Variants in GABPB1 observed in about 807,000 individuals in gnomAD.
The protein encoded by GABPB1 is GA-binding protein subunit beta-1.
A neutral mutation model predicts 45.9 loss-of-function variants in GABPB1; 15 were observed. The ratio of observed to expected loss-of-function variants is 0.33; its 90% CI spans 0.22 to 0.50. The LOEUF (loss-of-function observed/expected upper bound fraction) is 0.50, where lower values mean the gene tolerates loss of function less well. GABPB1 is among the 20% of genes least tolerant of loss of function. The pLI, the probability that GABPB1 is intolerant of heterozygous loss-of-function variation, is 0.98. For missense variants in GABPB1, 252 were observed against 457.5 expected (o/e 0.55, Z 4.10); for synonymous variants, 143 against 154.4 (o/e 0.93, Z 0.55).
chr15:50,346,656 C>T (rs1381287387), intron 1 of GABPB1, among the ~76,000 whole-genome samples: 1 of 148,626 alleles, frequency 6.7e-6, no homozygotes, highest in African/African-American at 2.5e-5. Context: ...TGAACCACCT[C>T]ACCCAGCCCA....
chr15:50,301,101 C>A, intron 5 of GABPB1, 156 bp downstream of exon 5: 1 of 1,132,170 alleles, frequency 8.8e-7, no homozygotes, highest in Non-Finnish European at 1.3e-6. Flanking sequence ...CCAGTTATAC[C>A]AAAGAAAACA....
chr15:50,315,758 A>C (rs2047303984), intron 1 of GABPB1, among the ~76,000 whole-genome samples: 1 of 152,152 alleles, frequency 6.6e-6, no homozygotes, highest in Admixed American at 6.5e-5. Context: ...CAAGTCACTA[A>C]TTTACTCAGT....
At position 50,286,051 on chromosome 15, in the gene GABPB1, G is replaced by A. The variant is rs1296113978; in HGVS notation, c.999+17C>T. On this transcript the variant is annotated intron_variant, in intron 8 of 8. Transcript: ENST00000380877. ...TGGATGACTGCGGCAAAGCACACCG[G>A]GTAAAAGACTCCTTACTTCTATTTC... 3 of 1,609,742 alleles carry A rather than the reference G, an allele frequency of 1.9e-6. No individual in the cohort carries two copies. Among genetic ancestry groups the A allele is most frequent in the South Asian group, 2.2e-5 (2 of 90,326 alleles).
At chr15:50,287,447 A>G (rs1046881919) in intron 7 of GABPB1, among the ~76,000 whole-genome samples, 1 of 152,176 alleles carries the variant, frequency 6.6e-6, no homozygotes, top group African/African-American at 2.4e-5. Context: ...AGGGTCCTTA[A>G]ACAGATAATT....
chr15:50,340,908 CCATATGTA>C (rs2048341320), intron 1 of GABPB1, among the ~76,000 whole-genome samples: 2 of 62,654 alleles, frequency 3.2e-5, no homozygotes, highest in African/African-American at 1.0e-4. Flanking sequence ...TGGTTTATTA[CCATATGTA>C]ATATTACATA....
In GABPB1 at chr15:50,289,522, C is replaced by T; in HGVS notation, c.844G>A (p.Gly282Ser). ...GGCATGGTCACAATGATGGGCTGAC[C>T]AATTCCACTGGTTGGAATAGAGTGC... Reference protein sequence around the residue: ...NLHSIPTSGIGQPIIVTMPDG... With the variant: ...NLHSIPTSGISQPIIVTMPDG... The change falls in exon 7 of 9, where the codon GGT (glycine) becomes AGT (serine). Residue 282 changes from glycine (G) to serine (S), a missense_variant. Gly to Ser is a moderately conservative substitution (Grantham distance 56). This residue lies in a region of GABPB1 where 193 missense variants were observed against 259.9 expected (regional missense o/e 0.74). Coordinates refer to ENST00000380877, the MANE Select transcript of GABPB1 (RefSeq NM_016654.5). 6.2e-7 allele frequency: 1 copy of T among 1,613,108 alleles called. No homozygotes were observed. Among genetic ancestry groups the T allele is most frequent in the South Asian group, 1.1e-5 (1 of 91,018 alleles).
At chr15:50,292,390 G>C (rs764492383) in intron 6 of GABPB1, among the ~76,000 whole-genome samples, 1 of 151,560 alleles carries the variant, frequency 6.6e-6, no homozygotes, top group Non-Finnish European at 1.5e-5. Flanking sequence ...AGGATCGGTA[G>C]TGGGTGCTAA....
intron 2 of GABPB1, among the ~76,000 whole-genome samples, chr15:50,306,070 G>C (rs1165360542): frequency 6.6e-6 from 1 of 151,930 alleles, no homozygotes; most frequent in East Asian, 1.9e-4. Context: ...TAACTCCTAG[G>C]CTCAAGCAAT....
chr15:50,320,883 C>T (rs982375024), intron 1 of GABPB1, among the ~76,000 whole-genome samples: 19 of 152,228 alleles, frequency 1.2e-4, no homozygotes, highest in South Asian at 6.2e-4. Flanking sequence ...GAAATGCATG[C>T]CTTCTTTAGA....
intron 8 of GABPB1, among the ~76,000 whole-genome samples, chr15:50,281,263 G>A (rs2045961689): frequency 6.6e-6 from 1 of 152,132 alleles, no homozygotes; most frequent in Non-Finnish European, 1.5e-5. Context: ...CCAGGCTGGA[G>A]TGCAGTGGCA....
At chr15:50,344,015 C>T (rs374171182) in intron 1 of GABPB1, among the ~76,000 whole-genome samples, 16 of 152,348 alleles carry the variant, frequency 1.1e-4, no homozygotes, top group East Asian at 5.8e-4. Context: ...TCCCCACAAA[C>T]GTCAGCTCCA....
At chr15:50,354,678 C>G (rs747239747) in intron 1 of GABPB1, 2 of 416,864 alleles carry the variant, frequency 4.8e-6, no homozygotes, top group Non-Finnish European at 9.5e-6. Flanking sequence ...GCCGGGTAGC[C>G]GCGAGGCGGC....
At chr15:50,324,094 T>G (rs1246507320) in intron 1 of GABPB1, among the ~76,000 whole-genome samples, 1 of 151,780 alleles carries the variant, frequency 6.6e-6, no homozygotes, top group Non-Finnish European at 1.5e-5. Flanking sequence ...TCCCAGCTAC[T>G]CAGAAGGCTG....
At chr15:50,290,284 C>A (rs1353058440) in intron 6 of GABPB1, among the ~76,000 whole-genome samples, 1 of 152,126 alleles carries the variant, frequency 6.6e-6, no homozygotes, top group Non-Finnish European at 1.5e-5. Flanking sequence ...AAGGTTATAT[C>A]TGTTTCGTAA....
chr15:50,286,826 G>A (rs1474400135), intron 7 of GABPB1, among the ~76,000 whole-genome samples: 1 of 152,080 alleles, frequency 6.6e-6, no homozygotes, highest in Non-Finnish European at 1.5e-5. Context: ...CAATTATATA[G>A]AGAGGCTGTC....
intron 1 of GABPB1, among the ~76,000 whole-genome samples, chr15:50,310,626 C>A (rs1440210326): frequency 6.6e-6 from 1 of 152,180 alleles, no homozygotes; most frequent in Non-Finnish European, 1.5e-5. Context: ...AGAAAGTAAA[C>A]AATTCACATT....
chr15:50,281,601 T>A (rs1029942636), intron 8 of GABPB1, among the ~76,000 whole-genome samples: 10 of 152,222 alleles, frequency 6.6e-5, no homozygotes, highest in African/African-American at 2.4e-4. Context: ...CTGAGCCAAA[T>A]ATGACAAGTA....
At chr15:50,341,930 G>A (rs763438405) in intron 1 of GABPB1, among the ~76,000 whole-genome samples, 10 of 152,078 alleles carry the variant, frequency 6.6e-5, no homozygotes, top group African/African-American at 1.4e-4. Context: ...ACTCCAACGC[G>A]TCTCAGACCT....
At chr15:50,289,943 A>AT (rs1567482152) in intron 6 of GABPB1, among the ~76,000 whole-genome samples, 1 of 151,214 alleles carries the variant, frequency 6.6e-6, no homozygotes, top group Non-Finnish European at 1.5e-5. Flanking sequence ...GACTAGTTTT[A>AT]TTTTTTTTAG....
Sources: gnomAD v4.1 joint callset for allele counts (sites outside exome capture counted in the v4.1 genomes callset) on GRCh38, gnomAD v4.1.1 for gene constraint, gnomAD v4.1.1 regional missense constraint, MANE v1.5 for transcripts, NCBI Gene and HGNC (gene_info 2026-07-23, HGNC 2026-07-21) for gene names.